TMTC4: variants seen among roughly 807,000 people sequenced by gnomAD.
TMTC4 encodes transmembrane O-mannosyltransferase targeting cadherins 4, also known as protein O-mannosyl-transferase TMTC4.
Under a neutral mutation model 86.0 loss-of-function variants are expected in TMTC4, and 65 were observed. The observed-to-expected ratio is 0.76, with a 90% confidence interval of 0.62 to 0.93. TMTC4 has a LOEUF of 0.93. Among genes scored for constraint, TMTC4 ranks in the 40% least tolerant of loss-of-function variants. The pLI, the probability that TMTC4 is intolerant of heterozygous loss-of-function variation, is 0.00. For synonymous variants in TMTC4, 379 were observed against 382.5 expected (o/e 0.99, Z 0.11); for missense variants, 866 against 948.1 (o/e 0.91, Z 1.14).
chr13:100,636,025 G>A (rs1258862685), intron 10 of TMTC4, among the ~76,000 whole-genome samples: 1 of 152,132 alleles, frequency 6.6e-6, no homozygotes, highest in Non-Finnish European at 1.5e-5. Context: ...ACCTTAAACA[G>A]TTTTCTTTTT....
chr13:100,643,956 T>C (rs1286301117), intron 6 of TMTC4, among the ~76,000 whole-genome samples: 1 of 152,098 alleles, frequency 6.6e-6, no homozygotes, highest in East Asian at 1.9e-4. Context: ...TAACAAGTGT[T>C]TGTGTGTGTC....
chr13:100,670,169 G>A (rs1333611033), intron 2 of TMTC4, 191 bp downstream of exon 2: 3 of 555,308 alleles, frequency 5.4e-6, no homozygotes, highest in Admixed American at 8.0e-5. Context: ...CTGCTGAGAT[G>A]AAAGAGAATT....
At chr13:100,622,998 C>G (rs1199476838) in intron 15 of TMTC4, among the ~76,000 whole-genome samples, 2 of 152,140 alleles carry the variant, frequency 1.3e-5, no homozygotes, top group Non-Finnish European at 2.9e-5. Context: ...ATCATGGCTA[C>G]CCACTCCAGA....
At chr13:100,641,359 G>A (rs1882979454) in intron 7 of TMTC4, among the ~76,000 whole-genome samples, 1 of 152,184 alleles carries the variant, frequency 6.6e-6, no homozygotes, top group African/African-American at 2.4e-5. Flanking sequence ...GCACTTGGGT[G>A]GTGATTAACT....
chr13:100,670,250 T>C (rs1479250499), intron 2 of TMTC4, 110 bp downstream of exon 2: 22 of 1,264,404 alleles, frequency 1.7e-5, no homozygotes, highest in Middle Eastern at 1.9e-4. Flanking sequence ...CCCCAGATTA[T>C]GGAATCAATA....
intron 6 of TMTC4, among the ~76,000 whole-genome samples, chr13:100,648,310 G>A (rs1417053951): frequency 1.3e-5 from 2 of 151,486 alleles, no homozygotes; most frequent in Admixed American, 6.6e-5. Flanking sequence ...ATACAAAACC[G>A]ATTTTGGAAG....
intron 6 of TMTC4, among the ~76,000 whole-genome samples, chr13:100,651,879 C>T (rs757011651): frequency 1.3e-5 from 2 of 152,056 alleles, no homozygotes; most frequent in Non-Finnish European, 2.9e-5. Context: ...CTATTTGTAT[C>T]TCAATAAAAA....
intron 3 of TMTC4, among the ~76,000 whole-genome samples, chr13:100,665,152 G>A (rs1886244956): frequency 1.3e-5 from 2 of 152,038 alleles, no homozygotes; most frequent in Admixed American, 6.5e-5. Context: ...GAGATAATTT[G>A]GTACTATACT....
chr13:100,635,063 A>T lies in TMTC4; in HGVS notation c.1335T>A (p.Thr445=). Reference sequence around the variant, plus strand: ...GTTTGCTCAGGGCTCCGAATCCAAAAGTCAGCAGCACACAGTACCCAACGC... The same window carrying T: ...GTTTGCTCAGGGCTCCGAATCCAAATGTCAGCAGCACACAGTACCCAACGC... ...LPSVGYCVLL[T]FGFGALSKHT... Residue 445 remains threonine, a synonymous_variant, in exon 11 of 19, where the codon ACT becomes ACA. Coordinates refer to ENST00000342624, the MANE Select transcript of TMTC4 (RefSeq NM_032813.5). The T allele has an allele frequency of 6.2e-7, 1 of 1,613,562 alleles. No individual in the cohort carries two copies. The highest frequency in any genetic ancestry group is 8.5e-7 in the Non-Finnish European group (1 of 1,179,782).
chr13:100,649,764 A>G (rs898665730), intron 6 of TMTC4, among the ~76,000 whole-genome samples: 3 of 148,056 alleles, frequency 2.0e-5, no homozygotes, highest in Non-Finnish European at 4.5e-5. Context: ...TCTTCTTCAA[A>G]ATAAATAAAT....
chr13:100,609,676 T>C (rs374604443), intron 17 of TMTC4, among the ~76,000 whole-genome samples: 209 of 144,034 alleles, frequency 1.5e-3, no homozygotes, highest in Admixed American at 3.7e-3. Flanking sequence ...TAAATGTATA[T>C]ATATACACAC....
intron 17 of TMTC4, among the ~76,000 whole-genome samples, chr13:100,608,991 G>A (rs1050837216): frequency 6.6e-6 from 1 of 152,190 alleles, no homozygotes; most frequent in Non-Finnish European, 1.5e-5. Context: ...AGCCACAGCA[G>A]CCACCCAAGA....
intron 3 of TMTC4, among the ~76,000 whole-genome samples, chr13:100,665,281 A>T (rs1292285910): frequency 6.6e-6 from 1 of 152,230 alleles, no homozygotes; most frequent in African/African-American, 2.4e-5. Context: ...GAAAAATGAC[A>T]GATTAACTTT....
intron 2 of TMTC4, among the ~76,000 whole-genome samples, chr13:100,669,130 A>T (rs1327911942): frequency 6.6e-6 from 1 of 151,700 alleles, no homozygotes; most frequent in Non-Finnish European, 1.5e-5. Context: ...TACAAAGCTT[A>T]AAAAAAAAGT....
intron 2 of TMTC4, 72 bp from the exon 3 acceptor site, chr13:100,668,866 G>T: frequency 7.1e-7 from 1 of 1,407,112 alleles, no homozygotes; most frequent in Non-Finnish European, 9.9e-7. Flanking sequence ...GGCACCGTGA[G>T]TAAGAGCTAG....
At chr13:100,639,934 G>A (rs1480331007) in intron 7 of TMTC4, among the ~76,000 whole-genome samples, 1 of 151,318 alleles carries the variant, frequency 6.6e-6, no homozygotes, top group African/African-American at 2.4e-5. Context: ...GAGAGAAACC[G>A]TCTCGAATAA....
chr13:100,620,825 C>A (rs1410222686), intron 15 of TMTC4, among the ~76,000 whole-genome samples: 1 of 151,634 alleles, frequency 6.6e-6, no homozygotes, highest in East Asian at 1.9e-4. Context: ...AGAGTGATTT[C>A]TTAAAACAAA....
intron 5 of TMTC4, among the ~76,000 whole-genome samples, chr13:100,659,139 C>T (rs1885463347): frequency 6.6e-6 from 1 of 152,062 alleles, no homozygotes; most frequent in Non-Finnish European, 1.5e-5. Context: ...CCATTGTTTC[C>T]CCAGTAGGTA....
intron 1 of TMTC4, among the ~76,000 whole-genome samples, chr13:100,672,045 A>ATAGTATGG (rs1887173719): frequency 6.6e-6 from 1 of 152,172 alleles, no homozygotes; most frequent in African/African-American, 2.4e-5. Flanking sequence ...CTGGCACAAC[A>ATAGTATGG]CAGTACCACC....
Sources: allele counts gnomAD v4.1 joint callset (sites outside exome capture counted in the v4.1 genomes callset), GRCh38; gene constraint gnomAD v4.1.1; transcripts MANE v1.5; gene names NCBI Gene and HGNC (gene_info 2026-07-23, HGNC 2026-07-21).